Variants in SIPA1 observed in about 807,000 individuals in gnomAD.
The protein encoded by SIPA1 is signal-induced proliferation-associated protein 1.
Under a neutral mutation model 88.1 loss-of-function variants are expected in SIPA1, and 51 were observed. The ratio of observed to expected loss-of-function variants is 0.58; its 90% CI spans 0.46 to 0.73. The LOEUF is 0.73. Among genes scored for constraint, SIPA1 ranks in the 30% least tolerant of loss-of-function variants. The pLI is 0.00. For synonymous variants in SIPA1, 681 were observed against 664.8 expected (o/e 1.02, Z -0.37); for missense variants, 1,348 against 1,467.6 (o/e 0.92, Z 1.33).
intron 9 of SIPA1, 176 bp from the exon 10 acceptor site, chr11:65,649,086 A>C: frequency 1.7e-6 from 1 of 573,862 alleles, no homozygotes; most frequent in Non-Finnish European, 3.2e-6. Context: ...CAGCACTGGA[A>C]TTTGAACCAT....
chr11:65,640,109 C>A (rs972494478), intron 1 of SIPA1: 2 of 152,320 alleles, frequency 1.3e-5, no homozygotes, highest in Non-Finnish European at 2.9e-5. Flanking sequence ...GGTGAGTTGG[C>A]CTGTCCTTCA....
Position 65,641,044 on chromosome 11 carries a change from C to G in SIPA1, c.123C>G (p.Phe41Leu). The change falls in exon 2 of 16, where the codon TTC becomes TTG. Residue 41 changes from phenylalanine (F) to leucine (L), a missense_variant. Phe to Leu is a conservative substitution (Grantham distance 22, BLOSUM62 0). Around this residue, in one of 4 missense-constraint regions of SIPA1, gnomAD observed 641 missense variants for 797.7 expected, o/e 0.80. Transcript: ENST00000534313. ...GGCCCCCGCTGACACCGCACACCTT[C>G]GAGCCGAGGCCAGTCCGGGGCCCAC... is the stretch of plus-strand genomic sequence containing the variant. ...PARPPLTPHT[F>L]EPRPVRGPLL... 1 of 1,593,108 alleles carries G rather than the reference C, an allele frequency of 6.3e-7. No homozygotes were observed. The highest frequency in any genetic ancestry group is 8.5e-7 in the Non-Finnish European group (1 of 1,174,086).
rs1317411934 is a variant in SIPA1, at chr11:65,646,811, GTCGCCGCCGGGGCTCAGGCGAGCGGCC to G, written c.1778_1804del (p.Val593_Pro602delinsAla). Reference sequence around the variant, plus strand: ...AGTGCGCGCGGCGCCCGGGGCGCGGGTCGCCGCCGGGGCTCAGGCGAGCGGCCCCGAAGGCATCGAGGTGCCCTGCCT... The same window carrying G: ...AGTGCGCGCGGCGCCCGGGGCGCGGGCCGAAGGCATCGAGGTGCCCTGCCT... On this transcript the variant is annotated inframe_deletion, in exon 8 of 16. Coordinates refer to ENST00000534313, the MANE Select transcript of SIPA1 (RefSeq NM_006747.4). This position sits in a 1 kb window ranked among gnomAD's most constrained non-coding sequence, Gnocchi z 7.5. The G allele has an allele frequency of 7.8e-7, 1 of 1,284,644 alleles. No individual in the cohort carries two copies. Among genetic ancestry groups the G allele is most frequent in the Non-Finnish European group, 9.8e-7 (1 of 1,017,862 alleles). The allele number at this position is 1,284,644 out of a possible 1,614,324, so 79.6% of individuals were successfully genotyped here. A position where few individuals can be genotyped will look rare whatever the true frequency, so the allele number is the denominator to read the frequency against.
intron 5 of SIPA1, among the ~76,000 whole-genome samples, chr11:65,645,436 G>A (rs1369091942): frequency 6.6e-6 from 1 of 152,052 alleles, no homozygotes; most frequent in African/African-American, 2.4e-5. Flanking sequence ...CTACCTCCCT[G>A]GTGGAAGGGG....
Position 65,646,086 on chromosome 11 carries a change from CA to C in SIPA1, c.1263+132del. ...GCCCGCCCCTCTGGTGGCCCCTTCC[CA>C]AAGACAGAAACACCCTAGGTCTTCA... On this transcript the variant is annotated intron_variant, in intron 6 of 15. Coordinates refer to ENST00000534313, the MANE Select transcript of SIPA1 (RefSeq NM_006747.4). The surrounding 1 kb of genome is among the most constrained non-coding windows in gnomAD (Gnocchi z 7.5). The C allele has an allele frequency of 7.5e-7, 1 of 1,324,614 alleles. No homozygotes were observed. The allele number at this position is 1,324,614 out of a possible 1,614,324, so 82.1% of individuals were successfully genotyped here.
intron 1 of SIPA1, chr11:65,640,123 C>T (rs1189690817): frequency 6.6e-6 from 1 of 152,294 alleles, no homozygotes; most frequent in Non-Finnish European, 1.5e-5. Context: ...TCCTTCAGGG[C>T]AGGGTGACTG....
Position 65,649,421 on chromosome 11 carries a change from G to A in SIPA1, c.2466G>A (p.Gly822=), listed in dbSNP as rs1396241866. 2.5e-6 allele frequency: 4 copies of A among 1,597,314 alleles called. No homozygotes were observed. The African/African-American group carries it at 5.4e-5, about 21-fold the overall frequency. The stretch of plus-strand genomic sequence containing the variant: ...ATGGTGGCAGTCCTCCAGGGCCTGG[G>A]GATCTGGCCGAGGAGAGGACTGAGT... The part of the protein sequence containing the change: ...LQDGGSPPGP[G]DLAEERTEFL... Residue 822 remains glycine (G), a synonymous_variant, in exon 10 of 16, where the codon GGG becomes GGA. Coordinates refer to ENST00000534313, the MANE Select transcript of SIPA1 (RefSeq NM_006747.4).
chr11:65,645,103 G>C lies in SIPA1; in HGVS notation c.1133G>C (p.Ser378Thr). ...GDVVRLKGFE[S>T]YRAQLDTKTD... ...GTGGTGCGGCTCAAAGGCTTTGAGA[G>C]TTACCGGGCCCAGCTAGACACCAAA... Residue 378 changes from serine (S) to threonine (T), a missense_variant, in exon 5 of 16, where the codon AGT becomes ACT. Physicochemically the swap from Ser to Thr is moderately conservative, Grantham distance 58 (BLOSUM62 1). Around this residue, in one of 4 missense-constraint regions of SIPA1, gnomAD observed 641 missense variants for 797.7 expected, o/e 0.80. Coordinates refer to ENST00000534313, the MANE Select transcript of SIPA1 (RefSeq NM_006747.4). The C allele has an allele frequency of 6.2e-7, 1 of 1,613,970 alleles. No individual in the cohort carries two copies. Among genetic ancestry groups the C allele is most frequent in the Non-Finnish European group, 8.5e-7 (1 of 1,179,860 alleles).
Position 65,642,140 on chromosome 11 carries a change from A to T in SIPA1, c.680-110A>T. ...GGGCGGGACTTAGTCTAGGGTCAAC[A>T]TTTGGTGGTGAGATGAAGCCTAGGG... On this transcript the variant is annotated intron_variant, in intron 2 of 15. Coordinates refer to ENST00000534313, the MANE Select transcript of SIPA1 (RefSeq NM_006747.4). The surrounding 1 kb of genome is among the most constrained non-coding windows in gnomAD (Gnocchi z 6.5). The T allele has an allele frequency of 7.0e-7, 1 of 1,422,828 alleles. No individual in the cohort carries two copies. The highest frequency in any genetic ancestry group is 9.5e-7 in the Non-Finnish European group (1 of 1,055,528). 88.1% of individuals were successfully genotyped at this position (1,422,828 alleles called of 1,614,324 possible). A position where few individuals can be genotyped will look rare whatever the true frequency, so the allele number is the denominator to read the frequency against.
intron 9 of SIPA1, among the ~76,000 whole-genome samples, chr11:65,649,007 G>A (rs775582909): frequency 1.3e-5 from 2 of 152,142 alleles, no homozygotes; most frequent in Non-Finnish European, 1.5e-5. Context: ...TATGAGGTTC[G>A]TACTATTATC....
intron 1 of SIPA1, among the ~76,000 whole-genome samples, chr11:65,639,611 A>AC (rs1262591287): frequency 6.6e-6 from 1 of 151,704 alleles, no homozygotes; most frequent in Non-Finnish European, 1.5e-5. Flanking sequence ...CTGCATGAAG[A>AC]CCCACCATTA....
intron 8 of SIPA1, 61 bp from the exon 9 acceptor site, chr11:65,647,323 C>G: frequency 7.3e-7 from 1 of 1,365,728 alleles, no homozygotes; most frequent in Non-Finnish European, 9.4e-7. Flanking sequence ...GTCCAGGGGG[C>G]GGGCGCTGGG....
Position 65,647,669 on chromosome 11 carries a change from CG to C in SIPA1, c.2306+15del, listed in dbSNP as rs1384920184. ...CGGCCGGCCCCGCAGGTCAGGGTGC[CG>C]GGGACGCGGGGAGGTGGGAGGGCCG... On this transcript the variant is annotated intron_variant, in intron 9 of 15. Transcript: ENST00000534313. 4.5e-6 allele frequency: 6 copies of C among 1,337,244 alleles called. No individual in the cohort carries two copies. The highest frequency in any genetic ancestry group is 4.8e-6 in the Non-Finnish European group (5 of 1,047,696). The allele number at this position is 1,337,244 out of a possible 1,614,324, so 82.8% of individuals were successfully genotyped here. A position where few individuals can be genotyped will look rare whatever the true frequency, so the allele number is the denominator to read the frequency against.
At position 65,646,555 on chromosome 11, in the gene SIPA1, G is replaced by C. The variant is rs1856121188; in HGVS notation, c.1521G>C (p.Leu507=). 9 of 1,553,168 alleles carry C rather than the reference G, an allele frequency of 5.8e-6. No homozygotes were observed. The highest frequency in any genetic ancestry group is 7.8e-6 in the Non-Finnish European group (9 of 1,155,304). The change falls in exon 8 of 16, where the codon CTG becomes CTC. Residue 507 remains leucine (L), a synonymous_variant. Coordinates refer to ENST00000534313, the MANE Select transcript of SIPA1 (RefSeq NM_006747.4). This position sits in a 1 kb window ranked among gnomAD's most constrained non-coding sequence, Gnocchi z 7.5. Reference sequence around the variant, plus strand: ...CCAACGCCGACTTCCGGGCCTTCCTGCTGGCCAAAGCGCTGAATGGTGAGC... The same window carrying C: ...CCAACGCCGACTTCCGGGCCTTCCTCCTGGCCAAAGCGCTGAATGGTGAGC... The part of the protein sequence containing the change: ...FAANADFRAF[L]LAKALNGEQA...
At position 65,647,062 on chromosome 11, in the gene SIPA1, G is replaced by T; in HGVS notation, c.2028G>T (p.Leu676=). 6.5e-7 allele frequency: 1 copy of T among 1,536,690 alleles called. No individual in the cohort carries two copies. The change falls in exon 8 of 16, where the codon CTG becomes CTT. Residue 676 remains leucine, a synonymous_variant. Coordinates refer to ENST00000534313, the MANE Select transcript of SIPA1 (RefSeq NM_006747.4). The part of the protein sequence containing the change: ...GQAVGEVVAR[L]QLVSRGCETR... ...CCGTGGGCGAGGTGGTGGCGCGCCT[G>T]CAGGTGAGCTGGAGTGGTAAACTGG...
At chr11:65,641,990 G>A (rs1267153917) in intron 2 of SIPA1, 1 of 558,712 alleles carries the variant, frequency 1.8e-6, no homozygotes, top group African/African-American at 1.9e-5. Context: ...GGGAGAATGA[G>A]GGCGTGGTGG....
In SIPA1 at chr11:65,650,794, C is replaced by G. The variant is rs778252399; in HGVS notation, c.*79C>G. The G allele has an allele frequency of 7.1e-7, 1 of 1,403,648 alleles. No homozygotes were observed. The highest frequency in any genetic ancestry group is 9.4e-7 in the Non-Finnish European group (1 of 1,060,862). 86.9% of individuals were successfully genotyped at this position (1,403,648 alleles called of 1,614,324 possible). On this transcript the variant is annotated 3_prime_UTR_variant, in exon 16 of 16. Transcript: ENST00000534313. ...CTCAGGAACTCTCCCTGCGCAGAGG[C>G]GTGTCTTAGCACTGCCCCCCTCCCT...
At position 65,641,619 on chromosome 11, in the gene SIPA1, A is replaced by C. The variant is rs978399560; in HGVS notation, c.679+19A>C. On this transcript the variant is annotated intron_variant, in intron 2 of 15. Transcript: ENST00000534313. Reference sequence around the variant, plus strand: ...GGCAAAGGTGAGGAAAGGCAGTTCCAGGGAGTGGAGGAGGGGGGCTGAAGA... The same window carrying C: ...GGCAAAGGTGAGGAAAGGCAGTTCCCGGGAGTGGAGGAGGGGGGCTGAAGA... 3.8e-6 allele frequency: 6 copies of C among 1,585,028 alleles called. No individual in the cohort carries two copies. Among genetic ancestry groups the C allele is most frequent in the Non-Finnish European group, 5.1e-6 (6 of 1,165,224 alleles).
At position 65,641,438 on chromosome 11, in the gene SIPA1, G is replaced by T; in HGVS notation, c.517G>T (p.Gly173Cys). ...PGFVCELGGE[G>C]ELGLGGPASP... ...CTTTGTGTGTGAGCTCGGGGGTGAG[G>T]GTGAGCTAGGCCTGGGTGGACCAGC... Residue 173 changes from glycine (G) to cysteine (C), a missense_variant, in exon 2 of 16, where the codon GGT (glycine) becomes TGT (cysteine). Gly to Cys is a radical substitution (Grantham distance 159, BLOSUM62 -3). Around this residue, in one of 4 missense-constraint regions of SIPA1, gnomAD observed 641 missense variants for 797.7 expected, o/e 0.80. Transcript: ENST00000534313. The T allele has an allele frequency of 6.2e-7, 1 of 1,612,546 alleles. No homozygotes were observed.
Sources: gnomAD v4.1 joint callset for allele counts (sites outside exome capture counted in the v4.1 genomes callset) on GRCh38, gnomAD v4.1.1 for gene constraint, gnomAD v4.1.1 regional missense constraint, Gnocchi (gnomAD v3.1) non-coding constraint, MANE v1.5 for transcripts, NCBI Gene and HGNC (gene_info 2026-07-23, HGNC 2026-07-21) for gene names.